POT1: variants seen among roughly 807,000 people sequenced by gnomAD.
The protein encoded by POT1 is protection of telomeres protein 1.
Under a neutral mutation model 78.5 loss-of-function variants are expected in POT1, and 47 were observed. That is an observed-to-expected ratio of 0.60 (90% CI 0.47 to 0.76). The LOEUF (loss-of-function observed/expected upper bound fraction) is 0.76. Among genes scored for constraint, POT1 ranks in the 30% least tolerant of loss-of-function variants. The pLI is 0.00. For missense variants in POT1, 646 were observed against 749.9 expected (o/e 0.86, Z 1.62); for synonymous variants, 259 against 260.7 (o/e 0.99, Z 0.06).
intron 7 of POT1, among the ~76,000 whole-genome samples, chr7:124,870,270 A>T (rs1011120552): frequency 6.6e-6 from 1 of 152,168 alleles, no homozygotes; most frequent in African/African-American, 2.4e-5. Flanking sequence ...TATAGCAATA[A>T]AGATAATAAT....
rs892744981 is a variant in POT1 at position 124,863,723 on chromosome 7, A to C, written c.256-83T>G. ...AACCTACGAACCAAAGAAACTGGAA[A>C]GATTATCAATTTTGCCAGCATAATT... is the stretch of plus-strand genomic sequence containing the variant. On this transcript the variant is annotated intron_variant, in intron 7 of 18. Transcript: ENST00000357628. The C allele has an allele frequency of 2.7e-6, 3 of 1,109,448 alleles. No individual in the cohort carries two copies. The African/African-American group carries it at 4.7e-5, about 17-fold the overall frequency. The allele number at this position is 1,109,448 out of a possible 1,614,324, so 68.7% of individuals were successfully genotyped here. A position where few individuals can be genotyped will look rare whatever the true frequency, so the allele number is the denominator to read the frequency against.
chr7:124,920,536 CAG>C (rs980691497), intron 2 of POT1, among the ~76,000 whole-genome samples: 34 of 152,072 alleles, frequency 2.2e-4, no homozygotes, highest in African/African-American at 7.2e-4. Flanking sequence ...ATGCAAAAAA[CAG>C]AATGTAGCAC....
chr7:124,828,905 A>C, intron 16 of POT1: 1 of 552,406 alleles, frequency 1.8e-6, no homozygotes, highest in Non-Finnish European at 3.5e-6. Flanking sequence ...TCAGGTAAAT[A>C]ATAATTTCAC....
chr7:124,887,294 C>CATTAA (rs1262250194), intron 6 of POT1, among the ~76,000 whole-genome samples: 6 of 152,064 alleles, frequency 3.9e-5, no homozygotes, highest in African/African-American at 1.4e-4. Context: ...TCCTCTACAA[C>CATTAA]AACAGATATT....
At chr7:124,847,679 G>A (rs1352106560) in intron 11 of POT1, among the ~76,000 whole-genome samples, 9 of 152,114 alleles carry the variant, frequency 5.9e-5, no homozygotes, top group Non-Finnish European at 4.4e-5. Context: ...AAGACAACAC[G>A]GTACTGGCAT....
intron 15 of POT1, among the ~76,000 whole-genome samples, chr7:124,835,035 T>A (rs917171205): frequency 1.3e-5 from 2 of 151,276 alleles, no homozygotes; most frequent in African/African-American, 2.4e-5. Context: ...TAAGTGGGAG[T>A]TGAACAATGA....
intron 6 of POT1, among the ~76,000 whole-genome samples, chr7:124,885,806 A>G (rs1002114620): frequency 6.6e-6 from 1 of 151,974 alleles, no homozygotes; most frequent in African/African-American, 2.4e-5. Flanking sequence ...AAAATCATAT[A>G]AAATAAATTT....
rs1463033972 is a variant in POT1, at chr7:124,853,091, T to C, written c.750A>G (p.Ser250=). ...ACATTGTCTGATTCTCTGAATTCAT[T>C]GATTGAAGTTTGGTATGAAGGCTAT... The part of the protein sequence containing the change: ...RIYSLHTKLQ[S]MNSENQTMLS... The change falls in exon 10 of 19, where the codon TCA becomes TCG. Residue 250 remains serine (S), a synonymous_variant. Transcript: ENST00000357628. The C allele has an allele frequency of 6.2e-7, 1 of 1,607,914 alleles. No homozygotes were observed. The highest frequency in any genetic ancestry group is 1.3e-5 in the African/African-American group (1 of 74,746).
chr7:124,827,258 G>A lies in POT1; in HGVS notation c.1642C>T (p.Leu548Phe). The A allele has an allele frequency of 6.2e-7, 1 of 1,600,420 alleles. No homozygotes were observed. The highest frequency in any genetic ancestry group is 8.5e-7 in the Non-Finnish European group (1 of 1,169,694). ...TCTAGTACTCCTGTTCCATCATCAA[G>A]TGTAAAGGTCATAACAAACACATAT... ...LQYVFVMTFT[L>F]DDGTGVLEAY... Residue 548 changes from leucine to phenylalanine, a missense_variant, in exon 17 of 19, where the codon CTT becomes TTT. Physicochemically the swap from Leu to Phe is conservative, Grantham distance 22. Coordinates refer to ENST00000357628, the MANE Select transcript of POT1 (RefSeq NM_015450.3).
chr7:124,910,857 C>A (rs1796874444), intron 3 of POT1, among the ~76,000 whole-genome samples: 1 of 151,880 alleles, frequency 6.6e-6, no homozygotes, highest in African/African-American at 2.4e-5. Context: ...CAGACACACC[C>A]TAAGAGTCAT....
At chr7:124,827,162 T>G in intron 17 of POT1, 52 bp downstream of exon 17, 1 of 1,104,764 alleles carries the variant, frequency 9.1e-7, no homozygotes, top group Non-Finnish European at 1.2e-6. Context: ...GTATTCAATT[T>G]TTTAAATATT....
chr7:124,871,070 CT>C, intron 6 of POT1, 29 bp from the exon 7 acceptor site: 1 of 1,536,646 alleles, frequency 6.5e-7, no homozygotes, highest in Non-Finnish European at 8.8e-7. Flanking sequence ...TTTTACCTGA[CT>C]TTCAATATTT....
chr7:124,843,988 T>C lies in POT1; in HGVS notation c.1007-1025A>G, dbSNP rs549284399. On this transcript the variant is annotated intron_variant, in intron 12 of 18. Coordinates refer to ENST00000357628, the MANE Select transcript of POT1 (RefSeq NM_015450.3). Reference sequence around the variant, plus strand: ...CAGTTAATAAAGTTTATATTTAAGATACTTCTGTGACAAATGAGTCTGCCC... The same window carrying C: ...CAGTTAATAAAGTTTATATTTAAGACACTTCTGTGACAAATGAGTCTGCCC... 3.9e-5 allele frequency among the ~76,000 whole-genome samples: 6 copies of C among 152,322 alleles called. 1 individual carries two copies. The East Asian group carries it at 1.2e-3, about 29-fold the overall frequency.
chr7:124,897,271 G>T, intron 4 of POT1, 59 bp from the exon 5 acceptor site: 1 of 625,060 alleles, frequency 1.6e-6, no homozygotes, highest in Non-Finnish European at 2.6e-6. Context: ...GTGATTACAT[G>T]CTTTTAGTTG....
chr7:124,845,152 GAATT>G (rs1278961571), intron 12 of POT1, among the ~76,000 whole-genome samples: 1 of 152,008 alleles, frequency 6.6e-6, no homozygotes, highest in East Asian at 1.9e-4. Flanking sequence ...TACTATAATC[GAATT>G]AATTAACAAA....
intron 2 of POT1, among the ~76,000 whole-genome samples, chr7:124,917,192 G>C (rs1797034290): frequency 6.6e-6 from 1 of 152,104 alleles, no homozygotes; most frequent in African/African-American, 2.4e-5. Flanking sequence ...CATCAGAACA[G>C]AGAACATCTA....
At chr7:124,912,244 T>TG (rs771041969) in intron 3 of POT1, among the ~76,000 whole-genome samples, 2 of 151,284 alleles carry the variant, frequency 1.3e-5, no homozygotes, top group African/African-American at 2.4e-5. Flanking sequence ...TCTTTAAAAT[T>TG]GGGGGAAAAA....
intron 6 of POT1, among the ~76,000 whole-genome samples, chr7:124,890,993 T>G (rs972404446): frequency 6.6e-6 from 1 of 151,830 alleles, no homozygotes; most frequent in African/African-American, 2.4e-5. Context: ...TGTAGCTGGG[T>G]AGAATATTCT....
In POT1 at chr7:124,823,866, A is replaced by G; in HGVS notation, c.*96T>C. 1.3e-6 allele frequency: 1 copy of G among 779,074 alleles called. No homozygotes were observed. The highest frequency in any genetic ancestry group is 2.2e-6 in the Non-Finnish European group (1 of 450,926). 48.3% of individuals were successfully genotyped at this position (779,074 alleles called of 1,614,324 possible). A position where few individuals can be genotyped will look rare whatever the true frequency, so the allele number is the denominator to read the frequency against. On this transcript the variant is annotated 3_prime_UTR_variant, in exon 19 of 19. Coordinates refer to ENST00000357628, the MANE Select transcript of POT1 (RefSeq NM_015450.3). ...CTAATCCCATACCCATGCTAACATC[A>G]TCAACATTGCTGATACAAAACTCAG...
Sources: allele counts gnomAD v4.1 joint callset (sites outside exome capture counted in the v4.1 genomes callset), GRCh38; gene constraint gnomAD v4.1.1; transcripts MANE v1.5; gene names NCBI Gene and HGNC (gene_info 2026-07-23, HGNC 2026-07-21).